Variants in PRICKLE2 observed in about 807,000 individuals in gnomAD.
PRICKLE2 encodes prickle-like protein 2.
In PRICKLE2, 21 loss-of-function variants were observed where a neutral mutation model predicts 81.4. That is an observed-to-expected ratio of 0.26 (90% CI 0.18 to 0.37). PRICKLE2 has a LOEUF of 0.37. Among genes scored for constraint, PRICKLE2 ranks in the 10% least tolerant of loss-of-function variants. PRICKLE2 has a pLI of 1.00. For synonymous variants in PRICKLE2, 456 were observed against 421.5 expected, an observed-to-expected ratio of 1.08 and a Z score of -1.00; for missense variants, 940 against 1,109.0, an observed-to-expected ratio of 0.85 and a Z score of 2.16.
intron 2 of PRICKLE2, among the ~76,000 whole-genome samples, chr3:64,186,622 A>G (rs186951765): frequency 6.6e-6 from 1 of 152,338 alleles, no homozygotes; most frequent in East Asian, 1.9e-4. Context: ...GACCTGGAAA[A>G]CTGCCATATT....
intron 1 of PRICKLE2, among the ~76,000 whole-genome samples, chr3:64,209,085 A>G (rs2078742283): frequency 3.3e-5 from 5 of 151,824 alleles, no homozygotes; most frequent in Admixed American, 3.3e-4. Context: ...CCTTAAATAC[A>G]TACATATCTA....
chr3:64,209,442 C>A (rs1166550492), intron 1 of PRICKLE2, among the ~76,000 whole-genome samples: 1 of 152,176 alleles, frequency 6.6e-6, no homozygotes, highest in Non-Finnish European at 1.5e-5. Context: ...ACATCCATAT[C>A]TATCAATCCA....
intron 1 of PRICKLE2, among the ~76,000 whole-genome samples, chr3:64,206,470 CCTG>C (rs1457964700): frequency 6.6e-6 from 1 of 152,230 alleles, no homozygotes; most frequent in African/African-American, 2.4e-5. Flanking sequence ...ACTAGGCCCT[CCTG>C]CCACTCAGCT....
rs1406891675 is a variant in PRICKLE2 at position 64,147,499 on chromosome 3, C to G, written c.991G>C (p.Ala331Pro). ...SSDSAFQNAR[A>P]KESRRSAKIG... ...TTGGCACTGCGCCGGGACTCCTTGGCCCTGGCGTTCTGGAAGGCGGAATCA... is the reference window on the plus strand; with the variant it reads ...TTGGCACTGCGCCGGGACTCCTTGGGCCTGGCGTTCTGGAAGGCGGAATCA... The change falls in exon 7 of 8, where the codon GCC becomes CCC. Residue 331 changes from alanine to proline, a missense_variant. Ala to Pro is a conservative substitution (Grantham distance 27, BLOSUM62 -1). Around this residue, in one of 2 missense-constraint regions of PRICKLE2, gnomAD observed 670 missense variants for 717.2 expected, o/e 0.93. Coordinates refer to ENST00000638394, the MANE Select transcript of PRICKLE2 (RefSeq NM_198859.4). This position sits in a 1 kb window ranked among gnomAD's most constrained non-coding sequence, Gnocchi z 5.0. 3 of 1,614,260 alleles carry G rather than the reference C, an allele frequency of 1.9e-6. No individual in the cohort carries two copies. The Admixed American group carries it at 5.0e-5, about 27-fold the overall frequency.
At chr3:64,208,363 T>A (rs1471381977) in intron 1 of PRICKLE2, among the ~76,000 whole-genome samples, 1 of 152,142 alleles carries the variant, frequency 6.6e-6, no homozygotes, top group Non-Finnish European at 1.5e-5. Context: ...ACTGTATGGA[T>A]CATGTGACCC....
chr3:64,245,145 T>C (rs562053823), intron 2 of PRICKLE2, among the ~76,000 whole-genome samples: 4 of 152,178 alleles, frequency 2.6e-5, no homozygotes, highest in African/African-American at 4.8e-5. Flanking sequence ...AATGCTAGAA[T>C]TTTTTTTCGA....
chr3:64,163,161 C>CCATT lies in PRICKLE2; in HGVS notation c.145-36_145-33dup, dbSNP rs779785685. 1.1e-5 allele frequency: 14 copies of CCATT among 1,311,512 alleles called. No homozygotes were observed. The African/African-American group carries it at 2.0e-4, about 19-fold the overall frequency. 81.2% of individuals were successfully genotyped at this position (1,311,512 alleles called of 1,614,324 possible). Reference sequence around the variant, plus strand: ...GACAGAAAGCATATAGATGACTTGCCCATTACTCAAACCATGTGCCTATTC... The same window carrying CCATT: ...GACAGAAAGCATATAGATGACTTGCCCATTCATTACTCAAACCATGTGCCTATTC... On this transcript the variant is annotated intron_variant, in intron 2 of 7. Coordinates refer to ENST00000638394, the MANE Select transcript of PRICKLE2 (RefSeq NM_198859.4).
intron 2 of PRICKLE2, among the ~76,000 whole-genome samples, chr3:64,231,663 T>G (rs1291895887): frequency 1.3e-5 from 2 of 152,212 alleles, no homozygotes; most frequent in Non-Finnish European, 2.9e-5. Context: ...GAAAAATTAT[T>G]ACTACAAAAT....
chr3:64,099,390 G>T lies in PRICKLE2; in HGVS notation c.2196C>A (p.Phe732Leu). 6.2e-7 allele frequency: 1 copy of T among 1,604,282 alleles called. No homozygotes were observed. The highest frequency in any genetic ancestry group is 8.5e-7 in the Non-Finnish European group (1 of 1,172,980). The change falls in exon 8 of 8, where the codon TTC becomes TTA. Residue 732 changes from phenylalanine to leucine, a missense_variant. By Grantham distance (22) the Phe-to-Leu change is conservative. Transcript: ENST00000638394. The surrounding 1 kb of genome is among the most constrained non-coding windows in gnomAD (Gnocchi z 4.3). ...DYDQFMRQRS[F>L]QESMGHGSRR... ...GGGACCCATGCCCCATGCTCTCCTG[G>T]AAGCTCCGCTGGCGCATAAATTGGT... is the stretch of plus-strand genomic sequence containing the variant.
At chr3:64,199,099 T>A (rs1488672788) in intron 1 of PRICKLE2, 132 bp from the exon 2 acceptor site, 1 of 776,278 alleles carries the variant, frequency 1.3e-6, no homozygotes, top group African/African-American at 1.7e-5. Context: ...GGCAAAGGCA[T>A]CGCGAGCAGT....
At chr3:64,252,091 T>C (rs2079454579) in intron 2 of PRICKLE2, among the ~76,000 whole-genome samples, 1 of 152,142 alleles carries the variant, frequency 6.6e-6, no homozygotes, top group Non-Finnish European at 1.5e-5. Context: ...TGCATTTCAA[T>C]CAACCCAACA....
At chr3:64,165,967 T>A (rs1220838277) in intron 2 of PRICKLE2, among the ~76,000 whole-genome samples, 6 of 4,172 alleles carry the variant, frequency 1.4e-3, no homozygotes, top group African/African-American at 4.5e-3. Context: ...TATAAAGGTG[T>A]GTGTGTGTGT....
chr3:64,150,540 C>A (rs545949442), intron 6 of PRICKLE2, among the ~76,000 whole-genome samples: 2 of 152,246 alleles, frequency 1.3e-5, no homozygotes, highest in East Asian at 3.9e-4. Context: ...TCCCACCCTC[C>A]TTCTTCCTCC....
chr3:64,241,658 AC>A (rs1396428957), intron 2 of PRICKLE2, among the ~76,000 whole-genome samples: 3 of 152,120 alleles, frequency 2.0e-5, no homozygotes, highest in Non-Finnish European at 4.4e-5. Flanking sequence ...TCTGTCCTTG[AC>A]TTTGCAACTT....
intron 7 of PRICKLE2, among the ~76,000 whole-genome samples, chr3:64,111,117 G>A (rs1043726870): frequency 3.3e-5 from 5 of 152,112 alleles, no homozygotes; most frequent in South Asian, 4.1e-4. Context: ...AGGCAGGCCT[G>A]GACTCTTTTG....
intron 1 of PRICKLE2, among the ~76,000 whole-genome samples, chr3:64,219,656 C>G (rs17666009): frequency 6.6e-6 from 1 of 151,634 alleles, no homozygotes; most frequent in Non-Finnish European, 1.5e-5. Flanking sequence ...GATCAACCAA[C>G]GAGATTTTAA....
intron 5 of PRICKLE2, chr3:64,153,985 T>A (rs2077587020): frequency 6.5e-6 from 1 of 153,822 alleles, no homozygotes. Flanking sequence ...TATAGAGTTT[T>A]TAAAATTTCA....
At chr3:64,189,996 C>T (rs551766816) in intron 2 of PRICKLE2, among the ~76,000 whole-genome samples, 4 of 152,308 alleles carry the variant, frequency 2.6e-5, no homozygotes, top group African/African-American at 9.6e-5. Flanking sequence ...AAGCACCGAG[C>T]ACTGCATGGG....
At chr3:64,243,469 G>C (rs1460378788) in intron 2 of PRICKLE2, among the ~76,000 whole-genome samples, 1 of 152,194 alleles carries the variant, frequency 6.6e-6, no homozygotes, top group East Asian at 1.9e-4. Flanking sequence ...AATCATTTTA[G>C]AAATCCTATC....
Sources: gnomAD v4.1 joint callset for allele counts (sites outside exome capture counted in the v4.1 genomes callset) on GRCh38, gnomAD v4.1.1 for gene constraint, gnomAD v4.1.1 regional missense constraint, Gnocchi (gnomAD v3.1) non-coding constraint, MANE v1.5 for transcripts, NCBI Gene and HGNC (gene_info 2026-07-23, HGNC 2026-07-21) for gene names.